The following SPAG1 variants were observed in gnomAD, a reference collection of about 807,000 sequenced individuals.
SPAG1 encodes sperm associated antigen 1.
SPAG1 carries 69 observed loss-of-function variants against 100.5 expected under a neutral mutation model. That is an observed-to-expected ratio of 0.69 (90% CI 0.57 to 0.84). The LOEUF is 0.84. Among genes scored for constraint, SPAG1 ranks in the 40% least tolerant of loss-of-function variants. The pLI is 0.00. For synonymous variants in SPAG1, 336 were observed against 411.6 expected (o/e 0.82, Z 2.22); for missense variants, 955 against 1,133.1 (o/e 0.84, Z 2.26).
chr8:100,204,156 A>C (rs776192412), intron 10 of SPAG1, among the ~76,000 whole-genome samples: 10 of 152,144 alleles, frequency 6.6e-5, no homozygotes, highest in Non-Finnish European at 1.3e-4. Flanking sequence ...CTGACGCAAC[A>C]GTGATGGCCT....
chr8:100,171,563 C>T (rs1249129249), intron 3 of SPAG1, among the ~76,000 whole-genome samples: 1 of 152,142 alleles, frequency 6.6e-6, no homozygotes, highest in Non-Finnish European at 1.5e-5. Context: ...TCTTTCTGTA[C>T]GGCTTCCTCC....
chr8:100,217,828 G>A (rs541419269), intron 12 of SPAG1, among the ~76,000 whole-genome samples: 48 of 152,094 alleles, frequency 3.2e-4, no homozygotes, highest in African/African-American at 1.1e-3. Context: ...TATCACCCAG[G>A]TTGGAGTGCA....
chr8:100,213,375 T>A lies in SPAG1; in HGVS notation c.1382T>A (p.Phe461Tyr). The change falls in exon 11 of 19, where the codon TTC becomes TAC. Residue 461 changes from phenylalanine (F) to tyrosine (Y), a missense_variant. Transcript: ENST00000388798. Reference sequence around the variant, plus strand: ...AACGAGCTGTTCCGAAGCGGGCAGTTCGCCGAGGCGGCCGGCAAGTACTCG... The same window carrying A: ...AACGAGCTGTTCCGAAGCGGGCAGTACGCCGAGGCGGCCGGCAAGTACTCG... ...QGNELFRSGQ[F>Y]AEAAGKYSAA... The A allele has an allele frequency of 6.9e-7, 1 of 1,452,638 alleles. No individual in the cohort carries two copies. Among genetic ancestry groups the A allele is most frequent in the Admixed American group, 2.6e-5 (1 of 39,152 alleles). The allele number at this position is 1,452,638 out of a possible 1,614,324, so 90.0% of individuals were successfully genotyped here.
intron 1 of SPAG1, among the ~76,000 whole-genome samples, chr8:100,159,804 T>C (rs1815226375): frequency 6.6e-6 from 1 of 152,246 alleles, no homozygotes; most frequent in Non-Finnish European, 1.5e-5. Context: ...ACCTGCAGTT[T>C]GAAAATCACT....
intron 7 of SPAG1, among the ~76,000 whole-genome samples, chr8:100,185,829 T>G (rs548001181): frequency 3.3e-5 from 5 of 152,290 alleles, no homozygotes; most frequent in East Asian, 1.9e-4. Flanking sequence ...GTAAAGAGGA[T>G]ATATGATGGA....
intron 14 of SPAG1, among the ~76,000 whole-genome samples, chr8:100,227,498 T>C (rs1438269012): frequency 6.6e-6 from 1 of 152,188 alleles, no homozygotes; most frequent in East Asian, 1.9e-4. Flanking sequence ...AAGTAGATGA[T>C]CTAGCAGTCC....
chr8:100,165,716 C>T (rs1815520266), intron 2 of SPAG1, 98 bp from the exon 3 acceptor site: 2 of 920,704 alleles, frequency 2.2e-6, no homozygotes, highest in Non-Finnish European at 3.3e-6. Flanking sequence ...GAGATCTCCA[C>T]AGAACCTCAG....
intron 5 of SPAG1, 92 bp from the exon 6 acceptor site, chr8:100,183,864 G>A (rs1816471448): frequency 4.9e-6 from 3 of 611,046 alleles, no homozygotes; most frequent in Non-Finnish European, 8.6e-6. Flanking sequence ...TGTATCCAAA[G>A]GCATACTTGT....
At chr8:100,201,382 C>A (rs1817269721) in intron 10 of SPAG1, among the ~76,000 whole-genome samples, 1 of 152,128 alleles carries the variant, frequency 6.6e-6, no homozygotes, top group Non-Finnish European at 1.5e-5. Context: ...ACCTCAGCCT[C>A]CCAAAGTGCT....
At chr8:100,231,397 A>G in intron 15 of SPAG1, 109 bp downstream of exon 15, 1 of 743,540 alleles carries the variant, frequency 1.3e-6, no homozygotes, top group Non-Finnish European at 2.1e-6. Context: ...GTTTTTTGTG[A>G]TGGTTCTAAG....
At chr8:100,186,098 C>T (rs1391452762) in intron 7 of SPAG1, among the ~76,000 whole-genome samples, 2 of 126,560 alleles carry the variant, frequency 1.6e-5, no homozygotes, top group African/African-American at 6.1e-5. Flanking sequence ...CAGGGTCTCA[C>T]TCTGTTATCC....
intron 9 of SPAG1, among the ~76,000 whole-genome samples, chr8:100,193,081 A>G (rs963571252): frequency 6.6e-6 from 1 of 152,238 alleles, no homozygotes; most frequent in African/African-American, 2.4e-5. Context: ...CATGAAAAGT[A>G]CAATCCATAA....
chr8:100,202,353 A>AC (rs994526654), intron 10 of SPAG1, among the ~76,000 whole-genome samples: 3 of 151,596 alleles, frequency 2.0e-5, no homozygotes, highest in African/African-American at 7.3e-5. Context: ...AAAAAAAAAA[A>AC]CAAAAAACAA....
chr8:100,185,104 A>T, intron 7 of SPAG1: 1 of 195,252 alleles, frequency 5.1e-6, no homozygotes. Flanking sequence ...GCCTTTGCAC[A>T]TGCTGGGTGC....
At chr8:100,235,888 C>T (rs17336201) in intron 16 of SPAG1, among the ~76,000 whole-genome samples, 19,519 of 152,046 alleles carry the variant, frequency 0.13, 1,528 homozygotes, top group South Asian at 0.19. Flanking sequence ...AAAAAAAATT[C>T]CTAGATGGTG....
chr8:100,165,742 A>G (rs1238683963), intron 2 of SPAG1, 72 bp from the exon 3 acceptor site: 3 of 1,309,250 alleles, frequency 2.3e-6, no homozygotes, highest in African/African-American at 1.5e-5. Context: ...CATGGAACCC[A>G]GCCTGCAAAC....
At chr8:100,219,895 G>T (rs189563777) in intron 12 of SPAG1, among the ~76,000 whole-genome samples, 97 of 152,302 alleles carry the variant, frequency 6.4e-4, no homozygotes, top group African/African-American at 2.2e-3. Flanking sequence ...TTATGGTTCT[G>T]TACTTTATTA....
Position 100,187,248 on chromosome 8 carries a change from AG to A in SPAG1, c.832+1del. The A allele has an allele frequency of 6.2e-7, 1 of 1,604,008 alleles. No homozygotes were observed. The highest frequency in any genetic ancestry group is 8.5e-7 in the Non-Finnish European group (1 of 1,175,150). ...TTGGAGTTAGAACCTGGAAACGTAA[AG>A]GGTAAAAAATATTATAGAATTCTTT... ...KVLELEPGNVKALLRRATTYK... is the reference protein window; with the variant it reads ...KVLELEPGNVXALLRRATTYK... On this transcript the variant is annotated frameshift_variant and splice_region_variant, in exon 8 of 19. Transcript: ENST00000388798. LOFTEE classifies it high-confidence loss of function.
chr8:100,196,235 G>C (rs975294537), intron 10 of SPAG1, among the ~76,000 whole-genome samples: 1 of 152,206 alleles, frequency 6.6e-6, no homozygotes, highest in African/African-American at 2.4e-5. Context: ...TGAGTAAATA[G>C]CTAAGAGTGG....
Sources: allele counts gnomAD v4.1 joint callset (sites outside exome capture counted in the v4.1 genomes callset), GRCh38; gene constraint gnomAD v4.1.1; transcripts MANE v1.5; gene names NCBI Gene and HGNC (gene_info 2026-07-23, HGNC 2026-07-21).